Variants in EDRF1 observed in about 807,000 individuals in gnomAD.
EDRF1 encodes erythroid differentiation-related factor 1.
In EDRF1, 69 loss-of-function variants were observed where a neutral mutation model predicts 148.7. The ratio of observed to expected loss-of-function variants is 0.46; its 90% CI spans 0.38 to 0.57. The LOEUF (loss-of-function observed/expected upper bound fraction) is 0.57, where lower values mean the gene tolerates loss of function less well. Among genes scored for constraint, EDRF1 ranks in the 20% least tolerant of loss-of-function variants. The pLI is 0.00. For missense variants in EDRF1, 1,118 were observed against 1,478.7 expected, an observed-to-expected ratio of 0.76 and a Z score of 4.00; for synonymous variants, 515 against 532.8, an observed-to-expected ratio of 0.97 and a Z score of 0.46.
rs1848384038 is a variant in EDRF1 at position 125,729,022 on chromosome 10, C to T, written c.812C>T (p.Pro271Leu). 4 of 1,582,050 alleles carry T rather than the reference C, an allele frequency of 2.5e-6. No individual in the cohort carries two copies. The highest frequency in any genetic ancestry group is 1.1e-5 in the South Asian group (1 of 87,934). ...ASSQGSEPLE[P>L]SYIVGHVASA... ...TCACAGGGAAGTGAGCCTCTTGAAC[C>T]CTCATACATAGTGGGGCATGTGGCC... Residue 271 changes from proline (P) to leucine (L), a missense_variant, in exon 7 of 25, where the codon CCC becomes CTC. By Grantham distance (98) the Pro-to-Leu change is moderately conservative. Around this residue, in one of 3 missense-constraint regions of EDRF1, gnomAD observed 954 missense variants for 1,241.4 expected, o/e 0.77. Coordinates refer to ENST00000356792, the MANE Select transcript of EDRF1 (RefSeq NM_001202438.2).
chr10:125,726,143 ATATAG>A (rs1273973970), intron 6 of EDRF1, among the ~76,000 whole-genome samples: 1 of 152,054 alleles, frequency 6.6e-6, no homozygotes, highest in Non-Finnish European at 1.5e-5. Flanking sequence ...TTATATAGAG[ATATAG>A]TATATTTTAA....
At chr10:125,734,521 A>G (rs1848637000) in intron 12 of EDRF1, among the ~76,000 whole-genome samples, 1 of 152,072 alleles carries the variant, frequency 6.6e-6, no homozygotes, top group Non-Finnish European at 1.5e-5. Flanking sequence ...TCTGTATGTG[A>G]CTCATGTTAC....
rs1848083375 is a variant in EDRF1 at position 125,723,082 on chromosome 10, A to T, written c.332A>T (p.Tyr111Phe). The T allele has an allele frequency of 6.2e-7, 1 of 1,613,664 alleles. No homozygotes were observed. The highest frequency in any genetic ancestry group is 1.3e-5 in the African/African-American group (1 of 74,906). ...SKPFSSFGMA[Y>F]DFIDSVGNDV... ...CTCTTTGGTAGCTTTGGCATGGCATATGACTTTATTGATTCAGTGGGAAAT... is the reference window on the plus strand; with the variant it reads ...CTCTTTGGTAGCTTTGGCATGGCATTTGACTTTATTGATTCAGTGGGAAAT... The change falls in exon 3 of 25, where the codon TAT becomes TTT. Residue 111 changes from tyrosine to phenylalanine, a missense_variant. This residue lies in a region of EDRF1 where 99 missense variants were observed against 186.9 expected (regional missense o/e 0.53). Coordinates refer to ENST00000356792, the MANE Select transcript of EDRF1 (RefSeq NM_001202438.2).
intron 14 of EDRF1, 69 bp downstream of exon 14, chr10:125,738,058 G>T: frequency 2.0e-6 from 3 of 1,485,484 alleles, no homozygotes; most frequent in South Asian, 2.3e-5. Flanking sequence ...ACACTTGTTT[G>T]TTGGTATCTA....
At chr10:125,758,713 C>T (rs116617086) in intron 24 of EDRF1, among the ~76,000 whole-genome samples, 2,258 of 152,214 alleles carry the variant, frequency 0.015, 67 homozygotes, top group African/African-American at 0.051. Context: ...TAGAGAGGGT[C>T]TGTCTTTATA....
chr10:125,722,490 G>C (rs1848056110), intron 2 of EDRF1, among the ~76,000 whole-genome samples: 1 of 152,224 alleles, frequency 6.6e-6, no homozygotes, highest in East Asian at 1.9e-4. Flanking sequence ...GGTGATGTCG[G>C]GTACCTTTCA....
At chr10:125,753,929 C>A in intron 24 of EDRF1, 84 bp downstream of exon 24, 1 of 1,475,308 alleles carries the variant, frequency 6.8e-7, no homozygotes, top group Non-Finnish European at 9.4e-7. Flanking sequence ...TAAAGAAAAA[C>A]TAGGGGCCAG....
In EDRF1 at chr10:125,729,355, C is replaced by T; in HGVS notation, c.895-3C>T. 1 of 1,612,672 alleles carries T rather than the reference C, an allele frequency of 6.2e-7. No homozygotes were observed. Among genetic ancestry groups the T allele is most frequent in the Non-Finnish European group, 8.5e-7 (1 of 1,178,750 alleles). On this transcript the variant is annotated splice_polypyrimidine_tract_variant and splice_region_variant and intron_variant, in intron 7 of 24. Transcript: ENST00000356792. ...TTATAATCCTCCCTATTTTAAATCA[C>T]AGGGTCTTAAAAATGATTTTGTTCG...
intron 12 of EDRF1, 113 bp downstream of exon 12, chr10:125,734,296 G>T (rs1285051325): frequency 1.2e-6 from 1 of 812,902 alleles, no homozygotes; most frequent in African/African-American, 1.7e-5. Flanking sequence ...TATTCAGTGT[G>T]GTAGCCATTA....
chr10:125,746,024 A>G (rs1849336974), intron 19 of EDRF1, 94 bp downstream of exon 19: 1 of 1,137,402 alleles, frequency 8.8e-7, no homozygotes, highest in Admixed American at 1.8e-5. Context: ...AAAACTAAAA[A>G]TAATTAAACT....
In EDRF1 at chr10:125,763,630, G is replaced by A. The variant is rs979336344; in HGVS notation, c.*158G>A. 9.4e-6 allele frequency: 8 copies of A among 852,982 alleles called. No individual in the cohort carries two copies. The highest frequency in any genetic ancestry group is 1.7e-5 in the African/African-American group (1 of 58,992). 52.8% of individuals were successfully genotyped at this position (852,982 alleles called of 1,614,324 possible). A position where few individuals can be genotyped will look rare whatever the true frequency, so the allele number is the denominator to read the frequency against. ...TTATTTTAAGTGACAGACAAATTACGGTTGAGTTCTGTGGCTTCTTCACTT... is the reference window on the plus strand; with the variant it reads ...TTATTTTAAGTGACAGACAAATTACAGTTGAGTTCTGTGGCTTCTTCACTT... On this transcript the variant is annotated 3_prime_UTR_variant, in exon 25 of 25. Coordinates refer to ENST00000356792, the MANE Select transcript of EDRF1 (RefSeq NM_001202438.2). The surrounding 1 kb of genome is among the most constrained non-coding windows in gnomAD (Gnocchi z 4.3).
At chr10:125,739,203 T>C (rs1459022581) in intron 15 of EDRF1, among the ~76,000 whole-genome samples, 8 of 152,350 alleles carry the variant, frequency 5.3e-5, no homozygotes, top group African/African-American at 1.9e-4. Flanking sequence ...ACCCTTCTTC[T>C]TTTCCTGAAC....
At position 125,719,795 on chromosome 10, in the gene EDRF1, C is replaced by G. The variant is rs1178356797; in HGVS notation, c.-13C>G. On this transcript the variant is annotated 5_prime_UTR_variant, in exon 1 of 25. Transcript: ENST00000356792. Reference sequence around the variant, plus strand: ...CCGCTCCCCCGTCGTATCGCCTGCCCTGGATCGAAGTGATGGGGGATGCCA... The same window carrying G: ...CCGCTCCCCCGTCGTATCGCCTGCCGTGGATCGAAGTGATGGGGGATGCCA... The G allele has an allele frequency of 6.2e-7, 1 of 1,607,592 alleles. No homozygotes were observed. The highest frequency in any genetic ancestry group is 2.2e-5 in the East Asian group (1 of 44,698).
intron 1 of EDRF1, among the ~76,000 whole-genome samples, chr10:125,720,327 T>C (rs931665727): frequency 3.9e-5 from 6 of 152,020 alleles, no homozygotes; most frequent in Admixed American, 6.5e-5. Context: ...CGAACTTGCT[T>C]TGGGAGTGTG....
intron 6 of EDRF1, among the ~76,000 whole-genome samples, chr10:125,727,973 G>T (rs1848334989): frequency 6.6e-6 from 1 of 151,906 alleles, no homozygotes. Context: ...GAGGTGGGTG[G>T]ATCACTTGAG....
Position 125,733,510 on chromosome 10 carries a change from C to G in EDRF1, c.1235C>G (p.Ser412Cys). The change falls in exon 10 of 25, where the codon TCT (serine) becomes TGT (cysteine). Residue 412 changes from serine to cysteine, a missense_variant. Physicochemically the swap from Ser to Cys is moderately radical, Grantham distance 112 (BLOSUM62 -1). Around this residue, in one of 3 missense-constraint regions of EDRF1, gnomAD observed 954 missense variants for 1,241.4 expected, o/e 0.77. Coordinates refer to ENST00000356792, the MANE Select transcript of EDRF1 (RefSeq NM_001202438.2). ...IAQNILSFLKSNCTKEGHTYW... is the reference protein window; with the variant it reads ...IAQNILSFLKCNCTKEGHTYW... ...CAGAATATTTTATCATTTTTGAAATCTAATTGTACCAAAGAAGGACATACC... is the reference window on the plus strand; with the variant it reads ...CAGAATATTTTATCATTTTTGAAATGTAATTGTACCAAAGAAGGACATACC... The G allele has an allele frequency of 1.3e-6, 2 of 1,598,784 alleles. No homozygotes were observed. Among genetic ancestry groups the G allele is most frequent in the Non-Finnish European group, 1.7e-6 (2 of 1,166,342 alleles).
rs763170586 is a variant in EDRF1, at chr10:125,725,449, G to A, written c.635+7G>A. The stretch of plus-strand genomic sequence containing the variant: ...CCAAGTTTTTATATTACAGGTACTT[G>A]GCTACTTATTTATCTCTAAAGAGAA... On this transcript the variant is annotated splice_region_variant and intron_variant, in intron 5 of 24. Coordinates refer to ENST00000356792, the MANE Select transcript of EDRF1 (RefSeq NM_001202438.2). 1 of 1,613,794 alleles carries A rather than the reference G, an allele frequency of 6.2e-7. No individual in the cohort carries two copies. Among genetic ancestry groups the A allele is most frequent in the African/African-American group, 1.3e-5 (1 of 75,008 alleles).
Position 125,745,723 on chromosome 10 carries a change from T to G in EDRF1, c.2607T>G (p.Ser869=). The change falls in exon 19 of 25, where the codon TCT becomes TCG. Residue 869 remains serine, a synonymous_variant. Transcript: ENST00000356792. ...TCTGTAAAGTGAGCAAATCTGTGTC[T>G]GCTGCCGAGCAACAGTTGTGGAAAA... is the stretch of plus-strand genomic sequence containing the variant. The part of the protein sequence containing the change: ...QSERLVSKSV[S]AAEQQLWKKS... The G allele has an allele frequency of 6.2e-7, 1 of 1,614,244 alleles. No individual in the cohort carries two copies. Among genetic ancestry groups the G allele is most frequent in the South Asian group, 1.1e-5 (1 of 91,092 alleles).
At chr10:125,762,113 G>A (rs1850219811) in intron 24 of EDRF1, among the ~76,000 whole-genome samples, 1 of 152,176 alleles carries the variant, frequency 6.6e-6, no homozygotes, top group African/African-American at 2.4e-5. Context: ...AGGCAGCGAT[G>A]GGGATCCTGT....
Sources: gnomAD v4.1 joint callset for allele counts (sites outside exome capture counted in the v4.1 genomes callset) on GRCh38, gnomAD v4.1.1 for gene constraint, gnomAD v4.1.1 regional missense constraint, Gnocchi (gnomAD v3.1) non-coding constraint, MANE v1.5 for transcripts, NCBI Gene and HGNC (gene_info 2026-07-23, HGNC 2026-07-21) for gene names.